Variants in SVEP1 observed in about 807,000 individuals in gnomAD.
SVEP1 encodes sushi, von Willebrand factor type A, EGF and pentraxin domain containing 1.
A neutral mutation model predicts 367.3 loss-of-function variants in SVEP1; 164 were observed. That is an observed-to-expected ratio of 0.45 (90% CI 0.39 to 0.51). The LOEUF is 0.51. Ranked by LOEUF, SVEP1 falls within the 20% of genes least tolerant of loss-of-function variation. SVEP1 has a pLI of 0.00. For synonymous variants in SVEP1, 1,666 were observed against 1,611.6 expected (o/e 1.03, Z -0.81); for missense variants, 4,117 against 4,425.3 (o/e 0.93, Z 1.98).
chr9:110,479,363 A>G (rs1410027100), intron 13 of SVEP1, among the ~76,000 whole-genome samples: 1 of 152,174 alleles, frequency 6.6e-6, no homozygotes, highest in Non-Finnish European at 1.5e-5. Context: ...TTTTTGTCAA[A>G]CTTTAAATAA....
At chr9:110,430,751 A>ACT (rs1401410950) in intron 32 of SVEP1, among the ~76,000 whole-genome samples, 2 of 152,284 alleles carry the variant, frequency 1.3e-5, no homozygotes, top group Admixed American at 1.3e-4. Context: ...AGTGGCTTAG[A>ACT]AGGGCATTAG....
intron 8 of SVEP1, 99 bp downstream of exon 8, chr9:110,496,716 A>G: frequency 2.5e-6 from 2 of 800,868 alleles, no homozygotes; most frequent in Non-Finnish European, 4.0e-6. Context: ...ACCCTAATAC[A>G]AGTATTACCA....
chr9:110,565,261 G>A (rs1170799656), intron 1 of SVEP1, among the ~76,000 whole-genome samples: 1 of 152,192 alleles, frequency 6.6e-6, no homozygotes, highest in Non-Finnish European at 1.5e-5. Flanking sequence ...ACCAAGTCTT[G>A]TACTGAGGTT....
At chr9:110,393,030 T>C (rs1024531915) in intron 40 of SVEP1, among the ~76,000 whole-genome samples, 3 of 152,214 alleles carry the variant, frequency 2.0e-5, no homozygotes, top group Admixed American at 6.5e-5. Context: ...GATTCTAACA[T>C]GTATAATAGC....
At position 110,458,501 on chromosome 9, in the gene SVEP1, AT is replaced by A; in HGVS notation, c.3545del (p.His1182LeufsTer45). 6.2e-7 allele frequency: 1 copy of A among 1,613,018 alleles called. No homozygotes were observed. The highest frequency in any genetic ancestry group is 8.5e-7 in the Non-Finnish European group (1 of 1,179,608). On this transcript the variant is annotated frameshift_variant, in exon 20 of 48. Transcript: ENST00000374469. LOFTEE classifies it high-confidence loss of function. ...ESVVPPASLG[H>X]IKKRHEISSQ... The stretch of plus-strand genomic sequence containing the variant: ...TGCTGATTTCATGCCTCTTTTTAAT[AT>A]GTCCAAGAGAGGCAGGGGGCACCAC...
At chr9:110,448,668 T>C (rs1828643866) in intron 24 of SVEP1, among the ~76,000 whole-genome samples, 1 of 152,246 alleles carries the variant, frequency 6.6e-6, no homozygotes, top group Admixed American at 6.5e-5. Flanking sequence ...TACCTTCACC[T>C]TTCTTCTAGT....
At chr9:110,520,483 C>A (rs1037331107) in intron 3 of SVEP1, among the ~76,000 whole-genome samples, 2 of 152,116 alleles carry the variant, frequency 1.3e-5, no homozygotes, top group Non-Finnish European at 2.9e-5. Context: ...TCAGAAACAT[C>A]TTGGCGGTTA....
chr9:110,539,740 C>T (rs888576470), intron 3 of SVEP1, among the ~76,000 whole-genome samples: 8 of 151,672 alleles, frequency 5.3e-5, no homozygotes, highest in African/African-American at 1.5e-4. Flanking sequence ...CACAGAGGGG[C>T]CATGCTAATT....
chr9:110,393,937 C>T (rs908829363), intron 40 of SVEP1, among the ~76,000 whole-genome samples: 18 of 152,198 alleles, frequency 1.2e-4, no homozygotes, highest in Non-Finnish European at 2.4e-4. Flanking sequence ...GGGGGCAGGG[C>T]ACAGACAAAC....
intron 1 of SVEP1, among the ~76,000 whole-genome samples, chr9:110,568,579 G>T (rs577546882): frequency 1.9e-4 from 29 of 152,200 alleles, no homozygotes; most frequent in African/African-American, 6.7e-4. Context: ...TGAAGAGGAA[G>T]ATCTCGAATG....
Position 110,379,330 on chromosome 9 carries a change from T to C in SVEP1, c.10408+17A>G, listed in dbSNP as rs370560336. The C allele has an allele frequency of 3.1e-6, 5 of 1,611,404 alleles. No homozygotes were observed. The highest frequency in any genetic ancestry group is 4.2e-6 in the Non-Finnish European group (5 of 1,178,300). On this transcript the variant is annotated intron_variant, in intron 44 of 47. Transcript: ENST00000374469. ...CTGCAGTTTCACTAAGAAATAACCA[T>C]TCAAATATTTCCTTACCTCTGCAAA...
chr9:110,379,396 C>G lies in SVEP1; in HGVS notation c.10359G>C (p.Arg3453Ser). The change falls in exon 44 of 48, where the codon AGG becomes AGC. Residue 3453 changes from arginine to serine, a missense_variant. This residue lies in a region of SVEP1 where 1,765 missense variants were observed against 1,781.1 expected (regional missense o/e 0.99). Transcript: ENST00000374469. ...YSGYMLEGFL[R>S]SVCLENGTWT... is the part of the protein sequence containing the mutation. ...ATGTTCCATTTTCTAAACAAACACT[C>G]CTCAGGAAACCCTCCAACATGTATC... The G allele has an allele frequency of 6.2e-7, 1 of 1,613,798 alleles. No individual in the cohort carries two copies. Among genetic ancestry groups the G allele is most frequent in the South Asian group, 1.1e-5 (1 of 91,068 alleles).
Position 110,430,273 on chromosome 9 carries a change from C to T in SVEP1, c.5530+1G>A. 1 of 1,610,310 alleles carries T rather than the reference C, an allele frequency of 6.2e-7. No individual in the cohort carries two copies. Among genetic ancestry groups the T allele is most frequent in the Non-Finnish European group, 8.5e-7 (1 of 1,178,170 alleles). On this transcript the variant is annotated splice_donor_variant, in intron 33 of 47. Coordinates refer to ENST00000374469, the MANE Select transcript of SVEP1 (RefSeq NM_153366.4). LOFTEE classifies it high-confidence loss of function. Reference sequence around the variant, plus strand: ...AAACGTGGTAAATTTACTAAACATACCTTTACAATATGGTATTAGATGATT... The same window carrying T: ...AAACGTGGTAAATTTACTAAACATATCTTTACAATATGGTATTAGATGATT...
In SVEP1 at chr9:110,554,196, G is replaced by C. The variant is rs556053891; in HGVS notation, c.532-4092C>G. 2.0e-3 allele frequency among the ~76,000 whole-genome samples: 297 copies of C among 152,194 alleles called. 2 individuals are homozygous for C. Among genetic ancestry groups the C allele is most frequent in the African/African-American group, 6.3e-3 (262 of 41,526 alleles). The stretch of plus-strand genomic sequence containing the variant: ...ACTATTTTTTTTTGTATCTGGTAAG[G>C]AAAGTCTACCACCTTTTTTTCTCTC... On this transcript the variant is annotated intron_variant, in intron 1 of 47. Transcript: ENST00000374469.
At chr9:110,531,576 G>A (rs1449400990) in intron 3 of SVEP1, among the ~76,000 whole-genome samples, 1 of 152,140 alleles carries the variant, frequency 6.6e-6, no homozygotes, top group Non-Finnish European at 1.5e-5. Flanking sequence ...ATGATTGTAA[G>A]TTTCCTGAGG....
intron 16 of SVEP1, 117 bp from the exon 17 acceptor site, chr9:110,469,218 G>C: frequency 9.3e-7 from 1 of 1,075,564 alleles, no homozygotes; most frequent in Non-Finnish European, 1.3e-6. Context: ...TTGTTTATGG[G>C]TTAAATTTTA....
intron 27 of SVEP1, among the ~76,000 whole-genome samples, chr9:110,440,811 C>T (rs1268804391): frequency 6.6e-6 from 1 of 152,158 alleles, no homozygotes; most frequent in African/African-American, 2.4e-5. Context: ...TCCCCTCTTC[C>T]ATTCTGAGTG....
Position 110,489,656 on chromosome 9 carries a change from C to T in SVEP1, c.1924G>A (p.Val642Ile). 6.2e-7 allele frequency: 1 copy of T among 1,612,370 alleles called. No homozygotes were observed. The highest frequency in any genetic ancestry group is 1.1e-5 in the South Asian group (1 of 90,876). ...ACCAAACTATATCACTTACCAATAA[C>T]CTTGATATGGAAAATGCAGCTGGCC... ...NQASCIFHIK[V>I]IDAEPPVIDW... The change falls in exon 9 of 48, where the codon GTT becomes ATT. Residue 642 changes from valine (V) to isoleucine (I), a missense_variant. By Grantham distance (29) the Val-to-Ile change is conservative (BLOSUM62 3). Around this residue, in one of 4 missense-constraint regions of SVEP1, gnomAD observed 2,174 missense variants for 2,494.3 expected, o/e 0.87. Coordinates refer to ENST00000374469, the MANE Select transcript of SVEP1 (RefSeq NM_153366.4).
intron 39 of SVEP1, among the ~76,000 whole-genome samples, chr9:110,403,369 A>G (rs573764646): frequency 2.3e-4 from 30 of 129,888 alleles, no homozygotes; most frequent in South Asian, 7.8e-4. Flanking sequence ...CAGTGGCGCA[A>G]TCTCGGTTCA....
Sources: gnomAD v4.1 joint callset for allele counts (sites outside exome capture counted in the v4.1 genomes callset) on GRCh38, gnomAD v4.1.1 for gene constraint, gnomAD v4.1.1 regional missense constraint, MANE v1.5 for transcripts, NCBI Gene and HGNC (gene_info 2026-07-23, HGNC 2026-07-21) for gene names.